The following PRR16 variants were observed in gnomAD, a reference collection of about 807,000 sequenced individuals.
PRR16 encodes proline rich 16, also known as protein Largen.
In PRR16, 6 loss-of-function variants were observed where a neutral mutation model predicts 18.2. The observed-to-expected ratio is 0.33, with a 90% CI of 0.18 to 0.65. The LOEUF (loss-of-function observed/expected upper bound fraction) is 0.65. Ranked by LOEUF, PRR16 falls within the 30% of genes least tolerant of loss-of-function variation. PRR16 has a pLI of 0.74. For synonymous variants in PRR16, 151 were observed against 147.8 expected, an observed-to-expected ratio of 1.02 and a Z score of -0.16; for missense variants, 412 against 376.6, an observed-to-expected ratio of 1.09 and a Z score of -0.78.
At chr5:120,470,392 C>G (rs889689604) in intron 1 of PRR16, among the ~76,000 whole-genome samples, 7 of 151,962 alleles carry the variant, frequency 4.6e-5, no homozygotes, top group Non-Finnish European at 8.8e-5. Flanking sequence ...ATCTTTAGTA[C>G]CACATAAAAA....
At chr5:120,486,707 A>G (rs1470838835) in intron 1 of PRR16, among the ~76,000 whole-genome samples, 3 of 152,178 alleles carry the variant, frequency 2.0e-5, no homozygotes, top group African/African-American at 7.2e-5. Flanking sequence ...TGTTTTAGAC[A>G]TGAAGTCCTT....
At chr5:120,763,057 G>A in the PRR16 span, among the ~76,000 whole-genome samples, 1 of 152,004 alleles carries the variant, frequency 6.6e-6, no homozygotes, top group Non-Finnish European at 1.5e-5. Context: ...TGGCATACTC[G>A]GCACCTTTTA....
Position 120,464,613 on chromosome 5 carries a change from G to C in PRR16, c.127G>C (p.Asp43His), listed in dbSNP as rs376749718. Residue 43 changes from aspartate to histidine, a missense_variant, in exon 1 of 2, where the codon GAC (aspartate) becomes CAC (histidine). Asp to His is a moderately conservative substitution (Grantham distance 81). Transcript: ENST00000407149. ...IVEDLELVLG[D>H]LKDVAKELKE... ...GGAGGATTTGGAATTAGTCCTGGGC[G>C]ACCTGAAGGACGTGGCCAAGGAACT... The C allele has an allele frequency of 1.3e-6, 2 of 1,573,790 alleles. No individual in the cohort carries two copies. The highest frequency in any genetic ancestry group is 2.3e-5 in the East Asian group (1 of 43,902).
the PRR16 span, among the ~76,000 whole-genome samples, chr5:120,734,299 G>T: frequency 1.3e-5 from 2 of 152,092 alleles, no homozygotes; most frequent in Non-Finnish European, 2.9e-5. Context: ...GAGGGAGCAG[G>T]AGGCTGGGGC....
the PRR16 span, among the ~76,000 whole-genome samples, chr5:120,717,669 A>G: frequency 5.9e-5 from 9 of 152,288 alleles, no homozygotes; most frequent in Middle Eastern, 3.4e-3. Context: ...GCCCAATCTG[A>G]GCATTGTGCT....
chr5:120,541,283 T>A (rs1034823448), intron 1 of PRR16, among the ~76,000 whole-genome samples: 14 of 152,132 alleles, frequency 9.2e-5, no homozygotes, highest in African/African-American at 3.4e-4. Flanking sequence ...GTAGCTGGGA[T>A]TACAGGCACA....
the PRR16 span, among the ~76,000 whole-genome samples, chr5:120,703,130 G>C: frequency 6.6e-6 from 1 of 152,152 alleles, no homozygotes; most frequent in East Asian, 1.9e-4. Context: ...TACAGTCAAA[G>C]GGGGTTTGTT....
intron 1 of PRR16, among the ~76,000 whole-genome samples, chr5:120,624,782 A>G: frequency 6.6e-6 from 1 of 152,122 alleles, no homozygotes; most frequent in East Asian, 1.9e-4. Context: ...CTCAAATGTC[A>G]TCTTGTAGCC....
At chr5:120,516,738 A>G (rs1751010841) in intron 1 of PRR16, among the ~76,000 whole-genome samples, 1 of 152,148 alleles carries the variant, frequency 6.6e-6, no homozygotes, top group African/African-American at 2.4e-5. Flanking sequence ...GTTGCCATGG[A>G]TTGGTGATAT....
chr5:120,488,094 T>C (rs944137250), intron 1 of PRR16, among the ~76,000 whole-genome samples: 2 of 152,232 alleles, frequency 1.3e-5, no homozygotes, highest in Non-Finnish European at 2.9e-5. Flanking sequence ...ATCAGGGATA[T>C]TGGTCTAAAA....
chr5:120,558,739 G>C (rs1418178396), intron 1 of PRR16, among the ~76,000 whole-genome samples: 2 of 151,822 alleles, frequency 1.3e-5, no homozygotes, highest in African/African-American at 4.8e-5. Flanking sequence ...CTCCATGGTG[G>C]TCATACTAAT....
At chr5:120,662,126 T>C (rs186516353) in intron 1 of PRR16, among the ~76,000 whole-genome samples, 99 of 152,292 alleles carry the variant, frequency 6.5e-4, no homozygotes, top group Non-Finnish European at 5.9e-5. Flanking sequence ...CCATAAATTC[T>C]GTCTAAAATA....
chr5:120,640,739 A>C lies in PRR16; in HGVS notation c.160-45215A>C, dbSNP rs1755394387. 2.0e-5 allele frequency among the ~76,000 whole-genome samples: 3 copies of C among 152,130 alleles called. No individual in the cohort carries two copies. In the South Asian group the frequency reaches 6.2e-4, roughly 31 times the overall value. On this transcript the variant is annotated intron_variant, in intron 1 of 1. Coordinates refer to ENST00000407149, the MANE Select transcript of PRR16 (RefSeq NM_001300783.2). Reference sequence around the variant, plus strand: ...CTCAATGGTACTGTCAAATGACTTCACTACTCAGAAAAAATATAAACAAAT... The same window carrying C: ...CTCAATGGTACTGTCAAATGACTTCCCTACTCAGAAAAAATATAAACAAAT...
At chr5:120,754,877 G>A in the PRR16 span, among the ~76,000 whole-genome samples, 2 of 151,312 alleles carry the variant, frequency 1.3e-5, no homozygotes, top group South Asian at 4.1e-4. Context: ...AAACCATGAG[G>A]TATAAGGAGA....
chr5:120,555,920 C>T (rs373502580), intron 1 of PRR16, among the ~76,000 whole-genome samples: 7 of 147,976 alleles, frequency 4.7e-5, no homozygotes, highest in African/African-American at 1.7e-4. Flanking sequence ...TTTATGTTTT[C>T]ATCTTGAAAA....
At chr5:120,732,147 G>A in the PRR16 span, among the ~76,000 whole-genome samples, 1 of 152,218 alleles carries the variant, frequency 6.6e-6, no homozygotes, top group Non-Finnish European at 1.5e-5. Flanking sequence ...AGCTCATAGT[G>A]TTCAGCAGTG....
At chr5:120,604,810 A>G (rs1376596383) in intron 1 of PRR16, among the ~76,000 whole-genome samples, 2 of 152,194 alleles carry the variant, frequency 1.3e-5, no homozygotes, top group Non-Finnish European at 2.9e-5. Flanking sequence ...TTGGGTGGAT[A>G]TGAAATTCTT....
At chr5:120,482,367 C>T (rs1466779710) in intron 1 of PRR16, among the ~76,000 whole-genome samples, 1 of 152,066 alleles carries the variant, frequency 6.6e-6, no homozygotes, top group African/African-American at 2.4e-5. Flanking sequence ...GCTTATAAGC[C>T]AGAACATACA....
At chr5:120,651,924 T>C (rs1755804474) in intron 1 of PRR16, among the ~76,000 whole-genome samples, 2 of 152,060 alleles carry the variant, frequency 1.3e-5, no homozygotes, top group Admixed American at 1.3e-4. Context: ...TTGGGCAGTA[T>C]GGCCATTTTC....
Sources: gnomAD v4.1 joint callset for allele counts (sites outside exome capture counted in the v4.1 genomes callset) on GRCh38, gnomAD v4.1.1 for gene constraint, MANE v1.5 for transcripts, NCBI Gene and HGNC (gene_info 2026-07-23, HGNC 2026-07-21) for gene names.